SORCS3: variants seen among roughly 807,000 people sequenced by gnomAD.
The protein encoded by SORCS3 is sortilin related VPS10 domain containing receptor 3, also known as VPS10 domain-containing receptor SorCS3.
SORCS3 carries 57 observed loss-of-function variants against 146.3 expected under a neutral mutation model. The ratio of observed to expected loss-of-function variants is 0.39; its 90% CI spans 0.31 to 0.49. SORCS3 has a LOEUF of 0.49. Among genes scored for constraint, SORCS3 ranks in the 20% least tolerant of loss-of-function variants. The probability of loss-of-function intolerance (pLI) is 0.92; values close to 1 mark genes in which losing one functional copy is unlikely to be tolerated. For missense variants in SORCS3, 1,341 were observed against 1,575.5 expected, an observed-to-expected ratio of 0.85 and a Z score of 2.52; for synonymous variants, 653 against 618.5, an observed-to-expected ratio of 1.06 and a Z score of -0.83.
chr10:105,164,756 G>A (rs972654703), intron 12 of SORCS3, among the ~76,000 whole-genome samples: 1 of 152,154 alleles, frequency 6.6e-6, no homozygotes, highest in African/African-American at 2.4e-5. Context: ...ATGTGTTTCT[G>A]TATCTACAAA....
chr10:104,742,782 C>T (rs2016863723), intron 1 of SORCS3, among the ~76,000 whole-genome samples: 1 of 152,154 alleles, frequency 6.6e-6, no homozygotes, highest in Admixed American at 6.5e-5. Context: ...TCAGGGCAGT[C>T]AGTGGTCCTA....
chr10:105,127,953 C>T lies in SORCS3; in HGVS notation c.1213-11444C>T, dbSNP rs550015215. On this transcript the variant is annotated intron_variant, in intron 7 of 26. Coordinates refer to ENST00000369701, the MANE Select transcript of SORCS3 (RefSeq NM_014978.3). ...TAGCCATTCTTTGGAAAGGCTCTGG[C>T]GTAGACACTTTAGGCTCATTCAGGG... Among the ~76,000 whole-genome samples, 327 of 152,198 alleles carry T rather than the reference C, an allele frequency of 2.1e-3. 1 individual carries two copies. Among genetic ancestry groups the T allele is most frequent in the Non-Finnish European group, 3.9e-3 (268 of 67,976 alleles).
rs1323397599 is a variant in SORCS3 at position 105,204,412 on chromosome 10, C to T, written c.2261+3159C>T. Among the ~76,000 whole-genome samples, 11 of 152,206 alleles carry T rather than the reference C, an allele frequency of 7.2e-5. No homozygotes were observed. The East Asian group carries it at 1.5e-3, about 21-fold the overall frequency. On this transcript the variant is annotated intron_variant, in intron 16 of 26. Transcript: ENST00000369701. ...TTACTCTAAAATTAAAACTCATCCCCAAGGACTTGGGTTTACTGCTGTTGA... is the reference window on the plus strand; with the variant it reads ...TTACTCTAAAATTAAAACTCATCCCTAAGGACTTGGGTTTACTGCTGTTGA...
At chr10:105,106,899 A>G (rs1589635748) in intron 7 of SORCS3, among the ~76,000 whole-genome samples, 1 of 152,126 alleles carries the variant, frequency 6.6e-6, no homozygotes, top group African/African-American at 2.4e-5. Flanking sequence ...AATACATAGC[A>G]CCAGTCACTA....
At chr10:104,856,725 ATCTC>A (rs2018338342) in intron 2 of SORCS3, among the ~76,000 whole-genome samples, 1 of 145,286 alleles carries the variant, frequency 6.9e-6, no homozygotes, top group Admixed American at 7.0e-5. Context: ...CTTTATCTCT[ATCTC>A]TCTCTATAGA....
chr10:104,724,060 C>T (rs764568262), intron 1 of SORCS3, among the ~76,000 whole-genome samples: 2 of 152,198 alleles, frequency 1.3e-5, no homozygotes, highest in Non-Finnish European at 2.9e-5. Context: ...GATGCAGTTT[C>T]TTCCTAGCCT....
intron 1 of SORCS3, among the ~76,000 whole-genome samples, chr10:104,704,940 T>C (rs1361222840): frequency 2.0e-5 from 3 of 152,194 alleles, no homozygotes; most frequent in African/African-American, 7.2e-5. Context: ...CTTTCCTTCC[T>C]GGAGGTTTTC....
At chr10:105,075,110 C>G (rs919095336) in intron 5 of SORCS3, among the ~76,000 whole-genome samples, 1 of 152,142 alleles carries the variant, frequency 6.6e-6, no homozygotes, top group Non-Finnish European at 1.5e-5. Flanking sequence ...ATTAACTCCC[C>G]GAATTCCTCC....
intron 1 of SORCS3, among the ~76,000 whole-genome samples, chr10:104,737,584 G>A (rs2016789515): frequency 6.6e-6 from 1 of 152,144 alleles, no homozygotes; most frequent in African/African-American, 2.4e-5. Flanking sequence ...CTTCTTTTGA[G>A]AAGTGTCTGT....
chr10:105,164,429 A>G (rs1040998611), intron 12 of SORCS3, 50 bp downstream of exon 12: 1 of 1,231,312 alleles, frequency 8.1e-7, no homozygotes, highest in Non-Finnish European at 1.2e-6. Context: ...AGTAAGTTCT[A>G]CCAATCTCTC....
chr10:104,940,238 A>ATATATATATATATATATATAT (rs1435205868), intron 3 of SORCS3, among the ~76,000 whole-genome samples: 4 of 31,514 alleles, frequency 1.3e-4, no homozygotes, highest in Non-Finnish European at 1.8e-4. Context: ...ATATATATAT[A>ATATATATATATATATATATAT]TTTTTTTTTT....
intron 1 of SORCS3, among the ~76,000 whole-genome samples, chr10:104,691,972 A>C (rs2016118861): frequency 6.6e-6 from 1 of 151,472 alleles, no homozygotes; most frequent in Non-Finnish European, 1.5e-5. Context: ...TTTATACTTT[A>C]CCTTCCACCC....
chr10:105,257,836 A>T (rs568330653), intron 25 of SORCS3, among the ~76,000 whole-genome samples: 39 of 152,342 alleles, frequency 2.6e-4, no homozygotes, highest in African/African-American at 9.4e-4. Flanking sequence ...CCTGCCAAAG[A>T]TGCCCTCTGT....
chr10:104,690,374 C>T (rs566650897), intron 1 of SORCS3, among the ~76,000 whole-genome samples: 3 of 152,234 alleles, frequency 2.0e-5, no homozygotes, highest in Non-Finnish European at 4.4e-5. Flanking sequence ...TCCCACTGAG[C>T]GGTGAAGAAT....
At chr10:104,920,953 GC>G (rs2019080789) in intron 3 of SORCS3, among the ~76,000 whole-genome samples, 1 of 152,046 alleles carries the variant, frequency 6.6e-6, no homozygotes, top group South Asian at 2.1e-4. Flanking sequence ...TTAACTCATT[GC>G]CCAGGTTTGA....
intron 7 of SORCS3, among the ~76,000 whole-genome samples, chr10:105,129,666 C>T (rs1309315156): frequency 6.6e-6 from 1 of 151,300 alleles, no homozygotes; most frequent in Non-Finnish European, 1.5e-5. Context: ...CTCAAATACA[C>T]ACACACACAC....
At chr10:104,689,617 A>G (rs928681820) in intron 1 of SORCS3, among the ~76,000 whole-genome samples, 2 of 152,078 alleles carry the variant, frequency 1.3e-5, no homozygotes, top group African/African-American at 2.4e-5. Flanking sequence ...TACTTTATTT[A>G]TATTAGCACC....
At chr10:105,146,336 T>A (rs951940700) in intron 8 of SORCS3, among the ~76,000 whole-genome samples, 1 of 151,864 alleles carries the variant, frequency 6.6e-6, no homozygotes, top group African/African-American at 2.4e-5. Flanking sequence ...TTAGAAATGA[T>A]CCAGACAGAG....
intron 1 of SORCS3, among the ~76,000 whole-genome samples, chr10:104,732,398 G>A (rs553621162): frequency 5.3e-5 from 8 of 152,292 alleles, no homozygotes; most frequent in South Asian, 2.1e-4. Context: ...TTCCTAAACC[G>A]TAGTGCTTGC....
Sources: allele counts gnomAD v4.1 joint callset (sites outside exome capture counted in the v4.1 genomes callset), GRCh38; gene constraint gnomAD v4.1.1; transcripts MANE v1.5; gene names NCBI Gene and HGNC (gene_info 2026-07-23, HGNC 2026-07-21).